The following NTRK2 variants were observed in gnomAD, a reference collection of about 807,000 sequenced individuals.
NTRK2 encodes neurotrophic receptor tyrosine kinase 2.
In NTRK2, 13 loss-of-function variants were observed where a neutral mutation model predicts 94.5. That is an observed-to-expected ratio of 0.14 (90% confidence interval 0.09 to 0.22). The LOEUF is 0.22. Among genes scored for constraint, NTRK2 ranks in the 10% least tolerant of loss-of-function variants. The pLI is 1.00. For synonymous variants in NTRK2, 372 were observed against 407.4 expected, an observed-to-expected ratio of 0.91 and a Z score of 1.05; for missense variants, 639 against 1,071.2, an observed-to-expected ratio of 0.60 and a Z score of 5.63.
intron 6 of NTRK2, among the ~76,000 whole-genome samples, chr9:84,718,492 G>C (rs981845358): frequency 1.3e-5 from 2 of 152,150 alleles, no homozygotes; most frequent in African/African-American, 4.8e-5. Context: ...CTGCCTGGTT[G>C]ATGATTTTCT....
At chr9:84,733,253 G>T (rs142369289) in intron 9 of NTRK2, among the ~76,000 whole-genome samples, 1 of 152,276 alleles carries the variant, frequency 6.6e-6, no homozygotes, top group African/African-American at 2.4e-5. Context: ...CTCTCCTTCC[G>T]GGGATATCTT....
At chr9:84,701,953 A>G (rs1187336) in intron 2 of NTRK2, among the ~76,000 whole-genome samples, 1 of 152,046 alleles carries the variant, frequency 6.6e-6, no homozygotes, top group Non-Finnish European at 1.5e-5. Context: ...ACCCAGTGCA[A>G]GGGTTATTGA....
At chr9:84,712,484 G>A (rs1293960679) in intron 6 of NTRK2, among the ~76,000 whole-genome samples, 1 of 152,132 alleles carries the variant, frequency 6.6e-6, no homozygotes, top group Non-Finnish European at 1.5e-5. Flanking sequence ...TCAATTGATC[G>A]ATTAGGACTG....
In NTRK2 at chr9:84,990,457, C is replaced by T. The variant is rs569582168; in HGVS notation, c.2173-29749C>T. 3.9e-5 allele frequency among the ~76,000 whole-genome samples: 6 copies of T among 152,276 alleles called. No homozygotes were observed. In the South Asian group the frequency reaches 1.0e-3, roughly 26 times the overall value. On this transcript the variant is annotated intron_variant, in intron 17 of 18. Coordinates refer to ENST00000277120, the MANE Select transcript of NTRK2 (RefSeq NM_006180.6). ...TTTTGTGTGGTTTTGTATTCATTCT[C>T]GAAGCCCAGGCACTCTTTTGCTCTA... is the stretch of plus-strand genomic sequence containing the variant.
chr9:84,895,544 T>A (rs1293183290), intron 14 of NTRK2, among the ~76,000 whole-genome samples: 1 of 152,208 alleles, frequency 6.6e-6, no homozygotes, highest in African/African-American at 2.4e-5. Flanking sequence ...AGGGCCTGGC[T>A]GTGGGGCTCC....
Position 84,757,456 on chromosome 9 carries a change from C to T in NTRK2, c.1396+5371C>T, listed in dbSNP as rs547248283. Among the ~76,000 whole-genome samples, 472 of 152,282 alleles carry T rather than the reference C, an allele frequency of 3.1e-3. 2 individuals are homozygous for T. Among genetic ancestry groups the T allele is most frequent in the Non-Finnish European group, 5.9e-3 (404 of 68,014 alleles). On this transcript the variant is annotated intron_variant, in intron 12 of 18. Coordinates refer to ENST00000277120, the MANE Select transcript of NTRK2 (RefSeq NM_006180.6). ...ATTTGCCTTGCGGATTTTTCTTTAT[C>T]AGTACCTAGCTATCTACTACATTCC... is the stretch of plus-strand genomic sequence containing the variant.
chr9:84,856,177 G>A (rs2075053476), intron 12 of NTRK2, among the ~76,000 whole-genome samples: 3 of 152,192 alleles, frequency 2.0e-5, no homozygotes, highest in African/African-American at 7.2e-5. Flanking sequence ...GTTTGATGAA[G>A]GACAAGGGAT....
chr9:84,753,852 G>A (rs540983462), intron 12 of NTRK2, among the ~76,000 whole-genome samples: 3 of 152,262 alleles, frequency 2.0e-5, no homozygotes, highest in South Asian at 4.1e-4. Context: ...TTGGAGAGAG[G>A]ATATACCCAG....
chr9:84,706,494 C>A (rs2061072825), intron 4 of NTRK2, among the ~76,000 whole-genome samples: 1 of 150,310 alleles, frequency 6.7e-6, no homozygotes, highest in Non-Finnish European at 1.5e-5. Flanking sequence ...TCACTGTCAC[C>A]CTCAGATCTC....
rs183674555 is a variant in NTRK2, at chr9:84,694,900, G to A, written c.213-7259G>A. On this transcript the variant is annotated intron_variant, in intron 2 of 18. Coordinates refer to ENST00000277120, the MANE Select transcript of NTRK2 (RefSeq NM_006180.6). Reference sequence around the variant, plus strand: ...TTTGATAAAAATCTATCTATTGGCCGGGCGCGGTGGCTCACGTCTGTAATG... The same window carrying A: ...TTTGATAAAAATCTATCTATTGGCCAGGCGCGGTGGCTCACGTCTGTAATG... Among the ~76,000 whole-genome samples, 245 of 151,562 alleles carry A rather than the reference G, an allele frequency of 1.6e-3. 1 individual carries two copies. Among genetic ancestry groups the A allele is most frequent in the Non-Finnish European group, 2.6e-3 (179 of 67,866 alleles).
chr9:84,904,935 T>C (rs1487604991), intron 14 of NTRK2, among the ~76,000 whole-genome samples: 1 of 152,220 alleles, frequency 6.6e-6, no homozygotes, highest in Non-Finnish European at 1.5e-5. Context: ...CTTACATATG[T>C]TCGTCAACTC....
intron 14 of NTRK2, among the ~76,000 whole-genome samples, chr9:84,891,606 G>A (rs2076597409): frequency 6.6e-6 from 1 of 152,184 alleles, no homozygotes; most frequent in African/African-American, 2.4e-5. Context: ...TCTTTTCTCA[G>A]CTGAAAGGTT....
intron 13 of NTRK2, 39 bp from the exon 14 acceptor site, chr9:84,867,204 A>G (rs2075634197): frequency 1.3e-6 from 2 of 1,597,336 alleles, no homozygotes; most frequent in Non-Finnish European, 1.7e-6. Flanking sequence ...CAATAAAGCC[A>G]TTGATTACAG....
intron 2 of NTRK2, among the ~76,000 whole-genome samples, chr9:84,691,678 C>A (rs984223635): frequency 6.6e-6 from 1 of 152,162 alleles, no homozygotes; most frequent in Non-Finnish European, 1.5e-5. Flanking sequence ...AGCAGAGATG[C>A]AGGCTTCCTG....
chr9:84,701,767 T>C (rs1168714693), intron 2 of NTRK2, among the ~76,000 whole-genome samples: 1 of 152,202 alleles, frequency 6.6e-6, no homozygotes, highest in East Asian at 1.9e-4. Flanking sequence ...GTGACTTTTC[T>C]TGTGCAGTGA....
At chr9:84,685,976 C>G (rs2059688621) in intron 2 of NTRK2, among the ~76,000 whole-genome samples, 1 of 152,204 alleles carries the variant, frequency 6.6e-6, no homozygotes, top group Non-Finnish European at 1.5e-5. Context: ...TATCCTAGTT[C>G]TCTGTGTTAC....
At position 84,758,419 on chromosome 9, in the gene NTRK2, T is replaced by G. The variant is rs189504030; in HGVS notation, c.1396+6334T>G. ...ATTATTATTATTATTGAGACAGAGTTTCACTCTTGTTGCCCAGGCTGGAGT... is the reference window on the plus strand; with the variant it reads ...ATTATTATTATTATTGAGACAGAGTGTCACTCTTGTTGCCCAGGCTGGAGT... On this transcript the variant is annotated intron_variant, in intron 12 of 18. Coordinates refer to ENST00000277120, the MANE Select transcript of NTRK2 (RefSeq NM_006180.6). Among the ~76,000 whole-genome samples, 4 of 152,244 alleles carry G rather than the reference T, an allele frequency of 2.6e-5. No homozygotes were observed. In the East Asian group the frequency reaches 7.7e-4, roughly 29 times the overall value.
chr9:84,988,607 C>T (rs937607925), intron 17 of NTRK2, among the ~76,000 whole-genome samples: 2 of 152,212 alleles, frequency 1.3e-5, no homozygotes, highest in African/African-American at 2.4e-5. Context: ...ATCAGCTCTA[C>T]AGCTGTGTGC....
intron 12 of NTRK2, among the ~76,000 whole-genome samples, chr9:84,762,306 G>A (rs973607905): frequency 1.3e-5 from 2 of 152,012 alleles, no homozygotes; most frequent in African/African-American, 4.8e-5. Flanking sequence ...GGAATGGTGT[G>A]GATGTCAGGG....
Sources: gnomAD v4.1 joint callset for allele counts (sites outside exome capture counted in the v4.1 genomes callset) on GRCh38, gnomAD v4.1.1 for gene constraint, MANE v1.5 for transcripts, NCBI Gene and HGNC (gene_info 2026-07-23, HGNC 2026-07-21) for gene names.